CACNA2D3: variants seen among roughly 807,000 people sequenced by gnomAD.
CACNA2D3 encodes voltage-dependent calcium channel subunit alpha-2/delta-3.
Under a neutral mutation model 160.6 loss-of-function variants are expected in CACNA2D3, and 60 were observed. The ratio of observed to expected loss-of-function variants is 0.37; its 90% CI spans 0.30 to 0.46. The LOEUF (loss-of-function observed/expected upper bound fraction) is 0.46. Ranked by LOEUF, CACNA2D3 falls within the 20% of genes least tolerant of loss-of-function variation. CACNA2D3 has a pLI of 1.00. For synonymous variants in CACNA2D3, 558 were observed against 492.9 expected (o/e 1.13, Z -1.75); for missense variants, 1,205 against 1,365.0 (o/e 0.88, Z 1.85).
intron 4 of CACNA2D3, among the ~76,000 whole-genome samples, chr3:54,483,197 C>T (rs1346411129): frequency 6.6e-6 from 1 of 152,138 alleles, no homozygotes; most frequent in Non-Finnish European, 1.5e-5. Flanking sequence ...TAAATTTGCA[C>T]TTTTTGTATG....
chr3:54,249,558 T>TACACACAC (rs149515122), intron 2 of CACNA2D3, among the ~76,000 whole-genome samples: 18,308 of 123,648 alleles, frequency 0.15, 1,967 homozygotes, highest in Non-Finnish European at 0.19. Flanking sequence ...TCTGTTTACG[T>TACACACAC]ACACACACAC....
At chr3:54,503,730 GA>G (rs906148916) in intron 5 of CACNA2D3, 76 bp downstream of exon 5, 6 of 1,379,124 alleles carry the variant, frequency 4.4e-6, no homozygotes, top group Non-Finnish European at 6.1e-6. Context: ...GCTGGTTTGG[GA>G]TATAGTTTTG....
At chr3:54,876,096 A>G (rs1045751127) in intron 18 of CACNA2D3, among the ~76,000 whole-genome samples, 2 of 152,094 alleles carry the variant, frequency 1.3e-5, no homozygotes, top group Admixed American at 6.6e-5. Context: ...CCGCCAGGCC[A>G]TTTGCATTTT....
At chr3:54,670,290 A>C (rs944802650) in intron 11 of CACNA2D3, among the ~76,000 whole-genome samples, 4 of 152,164 alleles carry the variant, frequency 2.6e-5, no homozygotes, top group African/African-American at 4.8e-5. Flanking sequence ...CTGTTAATAA[A>C]TTAGGTGCAC....
chr3:54,628,225 CA>C (rs377753491), intron 10 of CACNA2D3, among the ~76,000 whole-genome samples: 1 of 148,430 alleles, frequency 6.7e-6, no homozygotes, highest in Non-Finnish European at 1.5e-5. Flanking sequence ...GACTCCGTCT[CA>C]AAAAAAAATA....
chr3:54,716,859 G>T (rs1701060073), intron 11 of CACNA2D3, among the ~76,000 whole-genome samples: 1 of 151,306 alleles, frequency 6.6e-6, no homozygotes. Context: ...GACTTTATGT[G>T]GAGCATTTCA....
chr3:54,135,844 C>T (rs1043679325), intron 2 of CACNA2D3, among the ~76,000 whole-genome samples: 8 of 152,320 alleles, frequency 5.3e-5, no homozygotes, highest in East Asian at 1.9e-4. Context: ...AGTGGCCTGC[C>T]GCAGGTCTCA....
At chr3:54,423,570 G>C (rs1052916824) in intron 4 of CACNA2D3, among the ~76,000 whole-genome samples, 1 of 152,200 alleles carries the variant, frequency 6.6e-6, no homozygotes, top group African/African-American at 2.4e-5. Context: ...ACTGTGGGCT[G>C]CAGGCATGTA....
At chr3:54,830,787 T>C (rs1386134848) in intron 14 of CACNA2D3, among the ~76,000 whole-genome samples, 1 of 152,012 alleles carries the variant, frequency 6.6e-6, no homozygotes. Flanking sequence ...CCTAAATATA[T>C]TTTTGTTTGT....
chr3:54,366,863 G>T (rs539000400), intron 3 of CACNA2D3, among the ~76,000 whole-genome samples: 1 of 152,268 alleles, frequency 6.6e-6, no homozygotes, highest in South Asian at 2.1e-4. Flanking sequence ...AAATGATTCT[G>T]CAATAATGGT....
intron 9 of CACNA2D3, among the ~76,000 whole-genome samples, chr3:54,590,461 G>T (rs1290753478): frequency 6.6e-6 from 1 of 152,084 alleles, no homozygotes; most frequent in Non-Finnish European, 1.5e-5. Flanking sequence ...TTATAAAAGG[G>T]TAACATGAGG....
At chr3:54,278,707 C>G (rs1183356202) in intron 2 of CACNA2D3, among the ~76,000 whole-genome samples, 1 of 152,080 alleles carries the variant, frequency 6.6e-6, no homozygotes, top group Non-Finnish European at 1.5e-5. Context: ...AACTGGAAAC[C>G]ATCATTCTCA....
chr3:54,138,098 G>A (rs1699852337), intron 2 of CACNA2D3, among the ~76,000 whole-genome samples: 1 of 152,198 alleles, frequency 6.6e-6, no homozygotes, highest in Non-Finnish European at 1.5e-5. Context: ...TTTTCCAGAG[G>A]AAGACATGAG....
rs17054515 is a variant in CACNA2D3 at position 54,885,697 on chromosome 3, A to G, written c.2056+111A>G. ...GGGAAGCTTTGCTTTGGCAGAGATT[A>G]TCAGTCACATGAAATCTAATCAAAT... On this transcript the variant is annotated intron_variant, in intron 23 of 37. Coordinates refer to ENST00000474759, the MANE Select transcript of CACNA2D3 (RefSeq NM_018398.3). 5.4e-3 allele frequency: 3,899 copies of G among 724,734 alleles called. 123 individuals carry two copies. The African/African-American group carries it at 0.059, about 11-fold the overall frequency. 44.9% of individuals were successfully genotyped at this position (724,734 alleles called of 1,614,324 possible). A position where few individuals can be genotyped will look rare whatever the true frequency, so the allele number is the denominator to read the frequency against.
intron 27 of CACNA2D3, among the ~76,000 whole-genome samples, chr3:54,948,494 G>T (rs1195851422): frequency 6.6e-6 from 1 of 152,210 alleles, no homozygotes; most frequent in East Asian, 1.9e-4. Context: ...ACTAGTATGG[G>T]CAAAGGTAGC....
intron 27 of CACNA2D3, among the ~76,000 whole-genome samples, chr3:54,951,208 T>C (rs1559642513): frequency 6.6e-6 from 1 of 152,186 alleles, no homozygotes; most frequent in Non-Finnish European, 1.5e-5. Context: ...GCTAGATGCT[T>C]GTGCTGCACT....
Position 54,830,864 on chromosome 3 carries a change from C to T in CACNA2D3, c.1399-6295C>T, listed in dbSNP as rs546202266. ...TCGTGCCTGCAATTTACCCTAATGGCCACTAGATGGTGGCAGTGTCTTTTC... is the reference window on the plus strand; with the variant it reads ...TCGTGCCTGCAATTTACCCTAATGGTCACTAGATGGTGGCAGTGTCTTTTC... On this transcript the variant is annotated intron_variant, in intron 14 of 37. Transcript: ENST00000474759. Among the ~76,000 whole-genome samples, 23 of 152,196 alleles carry T rather than the reference C, an allele frequency of 1.5e-4. 2 individuals carry two copies. In the South Asian group the frequency reaches 3.7e-3, roughly 25 times the overall value.
intron 35 of CACNA2D3, among the ~76,000 whole-genome samples, chr3:55,052,963 T>G (rs1559474702): frequency 6.6e-6 from 1 of 152,160 alleles, no homozygotes; most frequent in Non-Finnish European, 1.5e-5. Context: ...TTGGTACATT[T>G]GGGCCATTTA....
At chr3:54,181,312 G>A (rs1481871935) in intron 2 of CACNA2D3, among the ~76,000 whole-genome samples, 1 of 152,144 alleles carries the variant, frequency 6.6e-6, no homozygotes, top group South Asian at 2.1e-4. Flanking sequence ...ACAACCATGA[G>A]GGGTTGTAAA....
Sources: gnomAD v4.1 joint callset for allele counts (sites outside exome capture counted in the v4.1 genomes callset) on GRCh38, gnomAD v4.1.1 for gene constraint, MANE v1.5 for transcripts, NCBI Gene and HGNC (gene_info 2026-07-23, HGNC 2026-07-21) for gene names.